The following CD2AP variants were observed in gnomAD, a reference collection of about 807,000 sequenced individuals.
The protein encoded by CD2AP is CD2-associated protein.
CD2AP carries 46 observed loss-of-function variants against 85.1 expected under a neutral mutation model. The observed-to-expected ratio is 0.54, with a 90% CI of 0.43 to 0.69. CD2AP has a LOEUF of 0.69. Among genes scored for constraint, CD2AP ranks in the 30% least tolerant of loss-of-function variants. The probability of loss-of-function intolerance (pLI) is 0.00; values close to 1 mark genes in which losing one functional copy is unlikely to be tolerated. For missense variants in CD2AP, 769 were observed against 729.5 expected (o/e 1.05, Z -0.62); for synonymous variants, 255 against 252.9 (o/e 1.01, Z -0.08).
At chr6:47,583,268 C>CT (rs1768530508) in intron 11 of CD2AP, among the ~76,000 whole-genome samples, 1 of 152,202 alleles carries the variant, frequency 6.6e-6, no homozygotes, top group Non-Finnish European at 1.5e-5. Flanking sequence ...ATTGACACTT[C>CT]TTTATCACTC....
chr6:47,579,435 A>G lies in CD2AP; in HGVS notation c.954A>G (p.Gly318=), dbSNP rs1768410038. ...WWRGELNGKE[G]VFPDNFAVQI... is the part of the protein sequence containing the mutation. ...GGGGCGAACTTAATGGTAAAGAAGG[A>G]GTATTTCCAGACAATTTTGCTGTCC... Residue 318 remains glycine, a synonymous_variant, in exon 9 of 18, where the codon GGA becomes GGG. Transcript: ENST00000359314. 1.2e-6 allele frequency: 2 copies of G among 1,613,548 alleles called. No individual in the cohort carries two copies. The highest frequency in any genetic ancestry group is 1.7e-6 in the Non-Finnish European group (2 of 1,179,502).
chr6:47,526,777 C>G (rs1453972268), intron 2 of CD2AP, among the ~76,000 whole-genome samples: 2 of 152,154 alleles, frequency 1.3e-5, no homozygotes, highest in Admixed American at 1.3e-4. Context: ...CTAGAAGCAA[C>G]AGTAGCTCTC....
At chr6:47,578,478 A>G (rs1481421849) in intron 8 of CD2AP, among the ~76,000 whole-genome samples, 1 of 152,116 alleles carries the variant, frequency 6.6e-6, no homozygotes, top group East Asian at 1.9e-4. Flanking sequence ...CTCTGAAGTT[A>G]CTGGGATTAC....
intron 2 of CD2AP, among the ~76,000 whole-genome samples, chr6:47,527,412 G>C (rs533053356): frequency 6.6e-6 from 1 of 152,298 alleles, no homozygotes; most frequent in East Asian, 1.9e-4. Context: ...GAGCAAAGAG[G>C]CATTACAAGG....
chr6:47,528,275 A>C (rs775425376), intron 2 of CD2AP, among the ~76,000 whole-genome samples: 3 of 152,140 alleles, frequency 2.0e-5, no homozygotes, highest in African/African-American at 7.2e-5. Flanking sequence ...CCTGGGTTCA[A>C]GTGATTCTCA....
chr6:47,533,225 A>G (rs1297421342), intron 2 of CD2AP, among the ~76,000 whole-genome samples: 3 of 152,218 alleles, frequency 2.0e-5, no homozygotes, highest in African/African-American at 4.8e-5. Context: ...GTTGCAACAG[A>G]AAGTGTATGG....
At chr6:47,536,929 T>C (rs780068287) in intron 3 of CD2AP, among the ~76,000 whole-genome samples, 37 of 152,164 alleles carry the variant, frequency 2.4e-4, no homozygotes, top group Non-Finnish European at 3.2e-4. Context: ...TCACTTTACA[T>C]TTGGAAGAAA....
chr6:47,586,854 GTTGGTT>G (rs1768643513), intron 11 of CD2AP, among the ~76,000 whole-genome samples: 1 of 152,144 alleles, frequency 6.6e-6, no homozygotes, highest in Admixed American at 6.5e-5. Context: ...AATATAAAGT[GTTGGTT>G]TTGGAGTTTT....
At chr6:47,527,017 A>G (rs1459511833) in intron 2 of CD2AP, among the ~76,000 whole-genome samples, 18 of 152,186 alleles carry the variant, frequency 1.2e-4, no homozygotes, top group Non-Finnish European at 1.2e-4. Flanking sequence ...CAATAAAAAC[A>G]GGGAAATATT....
intron 3 of CD2AP, among the ~76,000 whole-genome samples, chr6:47,534,814 T>TG (rs1766982662): frequency 6.6e-6 from 1 of 152,010 alleles, no homozygotes; most frequent in East Asian, 1.9e-4. Flanking sequence ...TTTTTTTTTT[T>TG]TTTGAGATAG....
At chr6:47,545,471 C>G (rs1052017294) in intron 4 of CD2AP, among the ~76,000 whole-genome samples, 1 of 152,182 alleles carries the variant, frequency 6.6e-6, no homozygotes, top group African/African-American at 2.4e-5. Context: ...AAGGCCCAGC[C>G]TATCACCTGT....
chr6:47,502,617 C>G (rs975598303), intron 1 of CD2AP, among the ~76,000 whole-genome samples: 3 of 151,982 alleles, frequency 2.0e-5, no homozygotes, highest in Non-Finnish European at 4.4e-5. Context: ...CCTCAGCCTC[C>G]CGAGTAGCTG....
intron 8 of CD2AP, among the ~76,000 whole-genome samples, 166 bp from the exon 9 acceptor site, chr6:47,579,219 C>T (rs1768397657): frequency 6.6e-6 from 1 of 151,802 alleles, no homozygotes; most frequent in Non-Finnish European, 1.5e-5. Context: ...CCTGTGGTCC[C>T]AGCCACTTGG....
chr6:47,594,910 G>T (rs897050829), intron 11 of CD2AP, among the ~76,000 whole-genome samples: 2 of 151,960 alleles, frequency 1.3e-5, no homozygotes, highest in African/African-American at 2.4e-5. Flanking sequence ...ACCAGTTTCT[G>T]GTTGATATGA....
At chr6:47,619,813 A>T (rs1232825979) in intron 17 of CD2AP, among the ~76,000 whole-genome samples, 1 of 152,190 alleles carries the variant, frequency 6.6e-6, no homozygotes, top group East Asian at 1.9e-4. Flanking sequence ...CATTTCCCCG[A>T]TCATTAGTGA....
At chr6:47,571,208 C>T (rs540818063) in intron 5 of CD2AP, among the ~76,000 whole-genome samples, 28 of 152,168 alleles carry the variant, frequency 1.8e-4, no homozygotes, top group African/African-American at 6.7e-4. Flanking sequence ...CTTTGTCCAA[C>T]AGGCTGGTTA....
intron 2 of CD2AP, among the ~76,000 whole-genome samples, chr6:47,505,011 CTT>C (rs58060161): frequency 0.048 from 4,585 of 94,766 alleles, 155 homozygotes; most frequent in African/African-American, 0.15. Context: ...GTGGCAGTTT[CTT>C]TTTTTTTTTT....
intron 5 of CD2AP, among the ~76,000 whole-genome samples, chr6:47,559,614 A>G (rs568499350): frequency 5.4e-4 from 82 of 152,302 alleles, no homozygotes; most frequent in Non-Finnish European, 5.7e-4. Context: ...AGATGATTCT[A>G]TTAAACATAA....
chr6:47,539,487 G>A (rs1031638443), intron 3 of CD2AP, among the ~76,000 whole-genome samples: 2 of 152,196 alleles, frequency 1.3e-5, no homozygotes, highest in Admixed American at 6.5e-5. Context: ...GACTGTATGA[G>A]CTATGTCAAA....
Sources: allele counts gnomAD v4.1 joint callset (sites outside exome capture counted in the v4.1 genomes callset), GRCh38; gene constraint gnomAD v4.1.1; transcripts MANE v1.5; gene names NCBI Gene and HGNC (gene_info 2026-07-23, HGNC 2026-07-21).